The following WBP1L variants were observed in gnomAD, a reference collection of about 807,000 sequenced individuals.
WBP1L encodes WW domain binding protein 1-like.
WBP1L carries 17 observed loss-of-function variants against 33.7 expected under a neutral mutation model. The ratio of observed to expected loss-of-function variants is 0.50; its 90% CI spans 0.34 to 0.76. The LOEUF (loss-of-function observed/expected upper bound fraction) is 0.76. Among genes scored for constraint, WBP1L ranks in the 30% least tolerant of loss-of-function variants. The pLI is 0.01. For synonymous variants in WBP1L, 173 were observed against 190.8 expected, an observed-to-expected ratio of 0.91 and a Z score of 0.77; for missense variants, 389 against 469.4, an observed-to-expected ratio of 0.83 and a Z score of 1.58.
intron 1 of WBP1L, among the ~76,000 whole-genome samples, chr10:102,762,757 C>G (rs1442991234): frequency 6.6e-6 from 1 of 152,042 alleles, no homozygotes; most frequent in Non-Finnish European, 1.5e-5. Flanking sequence ...ATGAAGAGAC[C>G]CTGCCAGCAT....
intron 1 of WBP1L, among the ~76,000 whole-genome samples, chr10:102,768,838 C>T (rs1378037322): frequency 6.6e-6 from 1 of 151,404 alleles, no homozygotes; most frequent in Non-Finnish European, 1.5e-5. Flanking sequence ...CAGGTGCCTG[C>T]CACCACGCCC....
At chr10:102,746,173 G>C (rs894031155) in intron 1 of WBP1L, 1 of 985,140 alleles carries the variant, frequency 1.0e-6, no homozygotes, top group Non-Finnish European at 1.2e-6. Flanking sequence ...GAGCCTGGGA[G>C]GTGTTGTGAA....
Position 102,813,418 on chromosome 10 carries a change from CTT to C in WBP1L, c.*89_*90del. On this transcript the variant is annotated 3_prime_UTR_variant, in exon 4 of 4. Coordinates refer to ENST00000448841, the MANE Select transcript of WBP1L (RefSeq NM_001083913.2). ...AGAAGCATTAAGTGACTTTCAAAGACTTTCAGAGTACAGCCACTTGGTTCCTT... is the reference window on the plus strand; with the variant it reads ...AGAAGCATTAAGTGACTTTCAAAGACTCAGAGTACAGCCACTTGGTTCCTT... 1 of 1,473,978 alleles carries C rather than the reference CTT, an allele frequency of 6.8e-7. No individual in the cohort carries two copies. Among genetic ancestry groups the C allele is most frequent in the Non-Finnish European group, 9.0e-7 (1 of 1,111,874 alleles). 91.3% of individuals were successfully genotyped at this position (1,473,978 alleles called of 1,614,324 possible). A position where few individuals can be genotyped will look rare whatever the true frequency, so the allele number is the denominator to read the frequency against.
At chr10:102,807,307 G>A (rs1313521762) in intron 2 of WBP1L, among the ~76,000 whole-genome samples, 4 of 101,944 alleles carry the variant, frequency 3.9e-5, no homozygotes, top group Admixed American at 2.0e-4. Context: ...GAACAAAGGA[G>A]CAGGTACTGT....
At chr10:102,752,418 C>T (rs1268590272) in intron 1 of WBP1L, among the ~76,000 whole-genome samples, 1 of 152,206 alleles carries the variant, frequency 6.6e-6, no homozygotes, top group Non-Finnish European at 1.5e-5. Flanking sequence ...ATCTCACTGC[C>T]TTTCAGGTTT....
chr10:102,766,637 G>A (rs898277141), intron 1 of WBP1L, among the ~76,000 whole-genome samples: 1 of 149,660 alleles, frequency 6.7e-6, no homozygotes, highest in Non-Finnish European at 1.5e-5. Context: ...ACAAAAAGCC[G>A]GCCTGGCCAA....
chr10:102,779,577 T>G (rs1319047571), intron 1 of WBP1L, among the ~76,000 whole-genome samples: 1 of 152,122 alleles, frequency 6.6e-6, no homozygotes, highest in Non-Finnish European at 1.5e-5. Flanking sequence ...GCTGGGATTA[T>G]AGACATGAGC....
intron 1 of WBP1L, among the ~76,000 whole-genome samples, chr10:102,746,414 C>T (rs982752163): frequency 6.6e-6 from 1 of 152,078 alleles, no homozygotes; most frequent in African/African-American, 2.4e-5. Flanking sequence ...AACCAGCCCC[C>T]ACATACCCTC....
chr10:102,770,641 C>G (rs548753627), intron 1 of WBP1L, among the ~76,000 whole-genome samples: 104 of 152,242 alleles, frequency 6.8e-4, no homozygotes, highest in African/African-American at 2.4e-3. Context: ...CAGATGAGAA[C>G]TTTAGGGCTT....
intron 1 of WBP1L, among the ~76,000 whole-genome samples, chr10:102,778,409 C>T (rs1037328933): frequency 6.6e-6 from 1 of 151,900 alleles, no homozygotes; most frequent in Non-Finnish European, 1.5e-5. Context: ...GGCAAGAGGG[C>T]GAGGGCTTGT....
At chr10:102,797,842 C>A in intron 1 of WBP1L, 151 bp from the exon 2 acceptor site, 1 of 690,738 alleles carries the variant, frequency 1.4e-6, no homozygotes, top group Non-Finnish European at 2.4e-6. Flanking sequence ...TGAGCCACCG[C>A]GCCTGGCCAA....
At chr10:102,778,892 G>A (rs1202623197) in intron 1 of WBP1L, among the ~76,000 whole-genome samples, 4 of 151,886 alleles carry the variant, frequency 2.6e-5, no homozygotes, top group Admixed American at 2.6e-4. Flanking sequence ...CCTTAATCCT[G>A]TGTCTTATGT....
chr10:102,799,288 T>A (rs921467355), intron 2 of WBP1L, among the ~76,000 whole-genome samples: 1 of 151,620 alleles, frequency 6.6e-6, no homozygotes, highest in Non-Finnish European at 1.5e-5. Context: ...GTTGCGCCAC[T>A]GCACTCCAGC....
chr10:102,765,257 A>G (rs1367251185), intron 1 of WBP1L, among the ~76,000 whole-genome samples: 1 of 151,616 alleles, frequency 6.6e-6, no homozygotes, highest in African/African-American at 2.4e-5. Context: ...TTTTTTTTCC[A>G]GACAGGATCT....
chr10:102,767,189 C>G (rs1375382748), intron 1 of WBP1L, among the ~76,000 whole-genome samples: 1 of 152,130 alleles, frequency 6.6e-6, no homozygotes, highest in Non-Finnish European at 1.5e-5. Flanking sequence ...TTTCAGAGAC[C>G]CCTGCACATT....
intron 1 of WBP1L, chr10:102,776,314 G>T: frequency 3.7e-6 from 6 of 1,613,294 alleles, no homozygotes; most frequent in Non-Finnish European, 5.1e-6. Context: ...AGGCCCACCA[G>T]GGGCAATGCT....
chr10:102,755,320 A>G (rs1015370071), intron 1 of WBP1L, among the ~76,000 whole-genome samples: 3 of 152,056 alleles, frequency 2.0e-5, no homozygotes, highest in Non-Finnish European at 4.4e-5. Context: ...TCCCAGGCAT[A>G]GTCATAGTGC....
At chr10:102,783,481 C>T (rs544804592) in intron 1 of WBP1L, among the ~76,000 whole-genome samples, 9 of 152,324 alleles carry the variant, frequency 5.9e-5, no homozygotes, top group African/African-American at 2.2e-4. Flanking sequence ...AGACTGACAT[C>T]AGTCCTGCCC....
chr10:102,748,339 C>T (rs1299546497), intron 1 of WBP1L, among the ~76,000 whole-genome samples: 1 of 152,064 alleles, frequency 6.6e-6, no homozygotes, highest in African/African-American at 2.4e-5. Context: ...CCACCTCACC[C>T]TCAATGGTAT....
Sources: gnomAD v4.1 joint callset for allele counts (sites outside exome capture counted in the v4.1 genomes callset) on GRCh38, gnomAD v4.1.1 for gene constraint, MANE v1.5 for transcripts, NCBI Gene and HGNC (gene_info 2026-07-23, HGNC 2026-07-21) for gene names.